Variants in ATP9A observed in about 807,000 individuals in gnomAD.
The protein encoded by ATP9A is ATPase phospholipid transporting 9A.
Under a neutral mutation model 144.1 loss-of-function variants are expected in ATP9A, and 52 were observed. The ratio of observed to expected loss-of-function variants is 0.36; its 90% CI spans 0.29 to 0.45. ATP9A has a LOEUF of 0.45. Ranked by LOEUF, ATP9A falls within the 20% of genes least tolerant of loss-of-function variation. The pLI, the probability that ATP9A is intolerant of heterozygous loss-of-function variation, is 1.00. For synonymous variants in ATP9A, 582 were observed against 557.4 expected (o/e 1.04, Z -0.62); for missense variants, 947 against 1,392.7 (o/e 0.68, Z 5.09).
Position 51,622,185 on chromosome 20 carries a change from C to T in ATP9A, c.2017-13G>A, listed in dbSNP as rs374385276. On this transcript the variant is annotated splice_polypyrimidine_tract_variant and intron_variant, in intron 18 of 27. Coordinates refer to ENST00000338821, the MANE Select transcript of ATP9A (RefSeq NM_006045.3). ...TCAGCATCCAAACCTGAAATCATGG[C>T]GTGACAGAGGTCCTGTTTATTAGTT... 1.6e-5 allele frequency: 25 copies of T among 1,610,572 alleles called. No individual in the cohort carries two copies. In the African/African-American group the frequency reaches 1.9e-4, roughly 12 times the overall value.
chr20:51,702,885 A>C (rs1347300760), intron 4 of ATP9A, among the ~76,000 whole-genome samples: 3 of 152,194 alleles, frequency 2.0e-5, no homozygotes, highest in African/African-American at 4.8e-5. Flanking sequence ...AATTATTACC[A>C]ATCTCAAAAA....
intron 1 of ATP9A, among the ~76,000 whole-genome samples, chr20:51,735,414 G>A (rs2077759113): frequency 1.3e-5 from 2 of 152,136 alleles, no homozygotes; most frequent in Non-Finnish European, 2.9e-5. Context: ...AACTTTTCCT[G>A]TATATTCTTT....
chr20:51,607,692 G>A (rs1456266865), intron 25 of ATP9A, 108 bp from the exon 26 acceptor site: 2 of 794,728 alleles, frequency 2.5e-6, no homozygotes, highest in African/African-American at 1.7e-5. Context: ...CAACCCATCT[G>A]TCTTCATCAA....
intron 9 of ATP9A, among the ~76,000 whole-genome samples, chr20:51,684,254 A>G (rs756551645): frequency 5.9e-5 from 9 of 152,202 alleles, no homozygotes; most frequent in Non-Finnish European, 1.2e-4. Flanking sequence ...AACAAATGAG[A>G]CCAAGTGAAA....
chr20:51,696,002 A>C, intron 6 of ATP9A, 91 bp downstream of exon 6: 1 of 1,223,602 alleles, frequency 8.2e-7, no homozygotes, highest in Non-Finnish European at 1.2e-6. Flanking sequence ...CCAAAATGAT[A>C]ATCTACTTTG....
At chr20:51,637,646 G>T (rs1050136464) in intron 15 of ATP9A, among the ~76,000 whole-genome samples, 4 of 151,584 alleles carry the variant, frequency 2.6e-5, no homozygotes, top group Non-Finnish European at 5.9e-5. Context: ...AGGGGGCAGG[G>T]CCATGTGCCC....
At chr20:51,630,520 T>G (rs971381369) in intron 15 of ATP9A, among the ~76,000 whole-genome samples, 2 of 152,086 alleles carry the variant, frequency 1.3e-5, no homozygotes, top group Non-Finnish European at 2.9e-5. Flanking sequence ...CTAGCCAACA[T>G]GGTGAGACCC....
intron 6 of ATP9A, among the ~76,000 whole-genome samples, chr20:51,694,314 G>C (rs1344771963): frequency 1.3e-5 from 2 of 152,190 alleles, no homozygotes; most frequent in African/African-American, 2.4e-5. Context: ...CTCCCTCTGA[G>C]TGGGATCCCC....
chr20:51,676,770 C>T (rs919869128), intron 9 of ATP9A, among the ~76,000 whole-genome samples: 76 of 152,180 alleles, frequency 5.0e-4, no homozygotes, highest in African/African-American at 1.7e-3. Flanking sequence ...TGAGCCACCA[C>T]GCCCAACCTC....
intron 11 of ATP9A, among the ~76,000 whole-genome samples, chr20:51,672,182 A>G (rs533595174): frequency 6.6e-6 from 1 of 152,202 alleles, no homozygotes; most frequent in South Asian, 2.1e-4. Context: ...TTTCTGGCTT[A>G]TTTTGCTTAG....
intron 3 of ATP9A, among the ~76,000 whole-genome samples, chr20:51,719,949 T>C (rs1450462673): frequency 2.6e-5 from 4 of 151,974 alleles, no homozygotes; most frequent in Admixed American, 2.0e-4. Flanking sequence ...CTCAGGAGAC[T>C]GAGGCAGGAG....
intron 17 of ATP9A, among the ~76,000 whole-genome samples, chr20:51,626,187 C>T (rs938815631): frequency 6.6e-6 from 1 of 152,188 alleles, no homozygotes. Flanking sequence ...AACATTTTTA[C>T]AGCTTAAAGA....
At chr20:51,660,848 TCTTCTTACTTAAAAAATACCAGGGG>T (rs2077407576) in intron 13 of ATP9A, among the ~76,000 whole-genome samples, 1 of 152,178 alleles carries the variant, frequency 6.6e-6, no homozygotes, top group South Asian at 2.1e-4. Flanking sequence ...TACACACATT[TCTTCTTACTTAAAAAATACCAGGGG>T]AAAACAAAAA....
Position 51,676,159 on chromosome 20 carries a change from G to A in ATP9A, c.849C>T (p.Val283=). The A allele has an allele frequency of 6.2e-7, 1 of 1,611,360 alleles. No homozygotes were observed. Among genetic ancestry groups the A allele is most frequent in the South Asian group, 1.1e-5 (1 of 90,974 alleles). The change falls in exon 10 of 28, where the codon GTC becomes GTT. Residue 283 remains valine, a synonymous_variant. Transcript: ENST00000338821. ...VLYTGRELRS[V]MNTSNPRSKI... ...TACTTCGGGGATTTGAGGTATTCAT[G>A]ACACTCCGGAGTTCTCTGCCAGTGT...
intron 4 of ATP9A, among the ~76,000 whole-genome samples, chr20:51,699,767 C>T (rs1448289789): frequency 6.6e-6 from 1 of 152,036 alleles, no homozygotes; most frequent in Non-Finnish European, 1.5e-5. Flanking sequence ...CTCAGCCTCC[C>T]GAGTAGCTGG....
intron 9 of ATP9A, among the ~76,000 whole-genome samples, chr20:51,676,770 C>A (rs919869128): frequency 6.6e-6 from 1 of 152,064 alleles, no homozygotes; most frequent in Non-Finnish European, 1.5e-5. Context: ...TGAGCCACCA[C>A]GCCCAACCTC....
At chr20:51,667,837 A>G (rs1237586731) in intron 13 of ATP9A, among the ~76,000 whole-genome samples, 1 of 151,678 alleles carries the variant, frequency 6.6e-6, no homozygotes, top group African/African-American at 2.4e-5. Context: ...TGAGGCGATC[A>G]CTTGAGCCCA....
rs935884879 is a variant in ATP9A at position 51,685,567 on chromosome 20, AAAAAAAGAAAAG to A, written c.799+3485_799+3496del. ...AACAAGAACAAGACTCAGTCTCAGA[AAAAAAAGAAAAG>A]AAAAAAGAAAAGAAAAGAAAAACAG... On this transcript the variant is annotated intron_variant, in intron 9 of 27. Transcript: ENST00000338821. Among the ~76,000 whole-genome samples the A allele has an allele frequency of 2.2e-4, 29 of 133,252 alleles. No homozygotes were observed. The South Asian group carries it at 2.3e-3, about 11-fold the overall frequency. The allele number at this position is 133,252 out of a possible 152,430, so 87.4% of individuals were successfully genotyped here.
At chr20:51,623,851 T>C (rs1389688031) in intron 18 of ATP9A, among the ~76,000 whole-genome samples, 3 of 150,680 alleles carry the variant, frequency 2.0e-5, no homozygotes, top group Middle Eastern at 3.2e-3. Context: ...CAAGATCGTA[T>C]CTTAGACTTT....
Sources: allele counts gnomAD v4.1 joint callset (sites outside exome capture counted in the v4.1 genomes callset), GRCh38; gene constraint gnomAD v4.1.1; transcripts MANE v1.5; gene names NCBI Gene and HGNC (gene_info 2026-07-23, HGNC 2026-07-21).